Variants in TMEM117 observed in about 807,000 individuals in gnomAD.
TMEM117 encodes transmembrane protein 117.
Under a neutral mutation model 52.4 loss-of-function variants are expected in TMEM117, and 27 were observed. The ratio of observed to expected loss-of-function variants is 0.51; its 90% CI spans 0.38 to 0.71. The LOEUF (loss-of-function observed/expected upper bound fraction) is 0.71, where lower values mean the gene tolerates loss of function less well. Among genes scored for constraint, TMEM117 ranks in the 30% least tolerant of loss-of-function variants. TMEM117 has a pLI of 0.00. For synonymous variants in TMEM117, 215 were observed against 206.3 expected (o/e 1.04, Z -0.36); for missense variants, 556 against 630.5 (o/e 0.88, Z 1.26).
At chr12:43,826,954 C>T in the TMEM117 span, among the ~76,000 whole-genome samples, 1 of 151,814 alleles carries the variant, frequency 6.6e-6, no homozygotes, top group Non-Finnish European at 1.5e-5. Context: ...GATGCAATGA[C>T]CAAAATACCC....
chr12:44,079,563 T>G (rs1024841137), intron 3 of TMEM117, among the ~76,000 whole-genome samples: 8 of 152,296 alleles, frequency 5.3e-5, no homozygotes, highest in Admixed American at 5.2e-4. Flanking sequence ...TGGAATTGTT[T>G]GTTTTTTTCT....
chr12:44,381,710 T>C (rs1047573599), intron 7 of TMEM117, among the ~76,000 whole-genome samples: 2 of 152,130 alleles, frequency 1.3e-5, no homozygotes, highest in Non-Finnish European at 1.5e-5. Context: ...TGTGTGAGGG[T>C]ACAGGTGTTT....
chr12:44,331,446 C>T (rs1416151663), intron 6 of TMEM117, among the ~76,000 whole-genome samples: 1 of 151,966 alleles, frequency 6.6e-6, no homozygotes, highest in Non-Finnish European at 1.5e-5. Context: ...CTGAAAAGCC[C>T]ATGATGGTGT....
chr12:43,858,872 A>AAAGC (rs1339315483), intron 2 of TMEM117, among the ~76,000 whole-genome samples: 1 of 152,218 alleles, frequency 6.6e-6, no homozygotes, highest in Non-Finnish European at 1.5e-5. Context: ...TTTGCAAGGG[A>AAAGC]AAGCACCAGG....
the TMEM117 span, chr12:43,802,206 T>C: frequency 2.1e-6 from 2 of 946,568 alleles, no homozygotes; most frequent in Non-Finnish European, 3.0e-6. Flanking sequence ...TTATTGTTTT[T>C]TAACCTTTAT....
At chr12:43,972,300 T>C (rs1945601024) in intron 3 of TMEM117, among the ~76,000 whole-genome samples, 1 of 152,212 alleles carries the variant, frequency 6.6e-6, no homozygotes, top group South Asian at 2.1e-4. Flanking sequence ...GGGGTGGGGA[T>C]GTTTCTGTGT....
chr12:44,130,434 G>A (rs942230514), intron 3 of TMEM117, among the ~76,000 whole-genome samples: 2 of 152,024 alleles, frequency 1.3e-5, no homozygotes, highest in Admixed American at 6.5e-5. Flanking sequence ...TTGCTAAATA[G>A]TTTTACCACT....
the TMEM117 span, chr12:43,802,425 G>C: frequency 6.2e-7 from 1 of 1,602,514 alleles, no homozygotes; most frequent in East Asian, 2.2e-5. Flanking sequence ...CTTATCCCAG[G>C]AATCTGAAGG....
intron 2 of TMEM117, among the ~76,000 whole-genome samples, chr12:43,863,676 A>G (rs1357780878): frequency 2.6e-5 from 4 of 152,140 alleles, no homozygotes; most frequent in Non-Finnish European, 5.9e-5. Flanking sequence ...CACTTGAGGG[A>G]GTTTTTAAGA....
At chr12:43,981,151 C>T (rs1349485513) in intron 3 of TMEM117, among the ~76,000 whole-genome samples, 2 of 152,084 alleles carry the variant, frequency 1.3e-5, no homozygotes, top group Non-Finnish European at 2.9e-5. Context: ...TCCCACAACC[C>T]TGACCGATCT....
chr12:44,365,545 T>TG (rs1951778558), intron 6 of TMEM117, among the ~76,000 whole-genome samples: 1 of 152,040 alleles, frequency 6.6e-6, no homozygotes, highest in Admixed American at 6.6e-5. Flanking sequence ...TGTGCAGCAT[T>TG]GGACAAGCTA....
intron 3 of TMEM117, among the ~76,000 whole-genome samples, chr12:44,116,920 T>C (rs1948154226): frequency 1.3e-5 from 2 of 152,198 alleles, no homozygotes; most frequent in Non-Finnish European, 2.9e-5. Context: ...TGATCTAATT[T>C]TATCTCATCG....
chr12:44,360,346 G>A (rs367738040), intron 6 of TMEM117, among the ~76,000 whole-genome samples: 2 of 151,976 alleles, frequency 1.3e-5, no homozygotes, highest in Non-Finnish European at 2.9e-5. Flanking sequence ...TTGGGAGGCC[G>A]AGGTGGAAGG....
intron 2 of TMEM117, among the ~76,000 whole-genome samples, chr12:43,873,574 G>A (rs1943741423): frequency 6.6e-6 from 1 of 151,596 alleles, no homozygotes; most frequent in Admixed American, 6.6e-5. Context: ...TTATGCTGAG[G>A]CAGGAAAACA....
At chr12:44,283,822 C>T (rs1950605911) in intron 5 of TMEM117, among the ~76,000 whole-genome samples, 1 of 152,112 alleles carries the variant, frequency 6.6e-6, no homozygotes, top group Admixed American at 6.5e-5. Context: ...TGTCCCTACC[C>T]AAATCTCAAC....
chr12:44,092,245 G>A (rs954069761), intron 3 of TMEM117, among the ~76,000 whole-genome samples: 1 of 152,138 alleles, frequency 6.6e-6, no homozygotes, highest in Non-Finnish European at 1.5e-5. Context: ...CTTTGTGTAC[G>A]CATTTATTAC....
intron 3 of TMEM117, among the ~76,000 whole-genome samples, chr12:43,987,998 G>C (rs1945876140): frequency 6.6e-6 from 1 of 151,606 alleles, no homozygotes; most frequent in Admixed American, 6.6e-5. Flanking sequence ...AATTTGTCAG[G>C]GTATTGTTAT....
intron 3 of TMEM117, among the ~76,000 whole-genome samples, chr12:44,001,531 A>C (rs1322784555): frequency 6.6e-6 from 1 of 152,178 alleles, no homozygotes. Flanking sequence ...CTAAGAGGAC[A>C]CTATGAAGTG....
chr12:43,953,067 T>C (rs1161079987), intron 3 of TMEM117, among the ~76,000 whole-genome samples: 1 of 152,026 alleles, frequency 6.6e-6, no homozygotes, highest in African/African-American at 2.4e-5. Flanking sequence ...AAAGGAGAAA[T>C]AAAATCTTTT....
Sources: gnomAD v4.1 joint callset for allele counts (sites outside exome capture counted in the v4.1 genomes callset) on GRCh38, gnomAD v4.1.1 for gene constraint, MANE v1.5 for transcripts, NCBI Gene and HGNC (gene_info 2026-07-23, HGNC 2026-07-21) for gene names.